The following MACROD2 variants were observed in gnomAD, a reference collection of about 807,000 sequenced individuals.
MACROD2 encodes the protein mono-ADP ribosylhydrolase 2.
MACROD2 carries 36 observed loss-of-function variants against 70.4 expected under a neutral mutation model. The observed-to-expected ratio is 0.51, with a 90% CI of 0.39 to 0.68. The LOEUF is 0.68. Ranked by LOEUF, MACROD2 falls within the 30% of genes least tolerant of loss-of-function variation. MACROD2 has a pLI of 0.00. For synonymous variants in MACROD2, 172 were observed against 178.8 expected, an observed-to-expected ratio of 0.96 and a Z score of 0.30; for missense variants, 496 against 538.4, an observed-to-expected ratio of 0.92 and a Z score of 0.78.
At chr20:14,033,085 C>CT (rs11480685) in intron 2 of MACROD2, among the ~76,000 whole-genome samples, 22,204 of 132,512 alleles carry the variant, frequency 0.17, 1,843 homozygotes, top group Admixed American at 0.23. Flanking sequence ...CTTGGTTTTT[C>CT]TTTTTTTTTT....
At chr20:15,838,255 T>G (rs1158233431) in intron 8 of MACROD2, among the ~76,000 whole-genome samples, 1 of 152,100 alleles carries the variant, frequency 6.6e-6, no homozygotes, top group Non-Finnish European at 1.5e-5. Flanking sequence ...ACTCAGAAGC[T>G]CCCAATGCTC....
chr20:14,907,110 C>T (rs543667443), intron 5 of MACROD2, among the ~76,000 whole-genome samples: 2 of 152,300 alleles, frequency 1.3e-5, no homozygotes, highest in African/African-American at 4.8e-5. Context: ...TGTCAGCTTA[C>T]CATTGCTATG....
chr20:14,943,935 T>A (rs1266010247), intron 5 of MACROD2, among the ~76,000 whole-genome samples: 1 of 152,172 alleles, frequency 6.6e-6, no homozygotes, highest in Non-Finnish European at 1.5e-5. Flanking sequence ...TTTCTTTTTA[T>A]TGTTGTCTTA....
intron 3 of MACROD2, among the ~76,000 whole-genome samples, chr20:14,407,768 A>G (rs1600209562): frequency 1.3e-5 from 2 of 152,166 alleles, no homozygotes; most frequent in African/African-American, 2.4e-5. Context: ...GTGATTCACA[A>G]TAATTAAGCT....
intron 5 of MACROD2, among the ~76,000 whole-genome samples, chr20:15,117,660 A>T (rs367925916): frequency 6.6e-6 from 1 of 152,158 alleles, no homozygotes; most frequent in Admixed American, 6.5e-5. Context: ...TTATGACTGA[A>T]GTATTAAGGA....
At chr20:15,373,068 T>C (rs1018182426) in intron 6 of MACROD2, among the ~76,000 whole-genome samples, 2 of 152,054 alleles carry the variant, frequency 1.3e-5, no homozygotes, top group African/African-American at 4.8e-5. Flanking sequence ...AAAAAATCCT[T>C]TTCTATAACA....
chr20:15,000,676 G>A lies in MACROD2; in HGVS notation c.419-229264G>A, dbSNP rs2074988289. ...AAAAAAAAAAAGAGGTAGAAACATG[G>A]AAATGTTCATTTTGTGAAAGTTCAT... On this transcript the variant is annotated intron_variant, in intron 5 of 17. Transcript: ENST00000684519. Among the ~76,000 whole-genome samples the A allele has an allele frequency of 2.2e-5, 3 of 136,584 alleles. No individual in the cohort carries two copies. In the South Asian group the frequency reaches 7.3e-4, roughly 33 times the overall value. The allele number at this position is 136,584 out of a possible 152,430, so 89.6% of individuals were successfully genotyped here.
intron 5 of MACROD2, among the ~76,000 whole-genome samples, chr20:14,832,761 G>A (rs2072986095): frequency 6.6e-6 from 1 of 152,156 alleles, no homozygotes; most frequent in Admixed American, 6.6e-5. Flanking sequence ...CCTGAGTCAA[G>A]ATCTTGAGTG....
intron 3 of MACROD2, among the ~76,000 whole-genome samples, chr20:14,368,066 A>T (rs1705484633): frequency 6.6e-6 from 1 of 151,918 alleles, no homozygotes; most frequent in African/African-American, 2.4e-5. Context: ...ATCTTTACTG[A>T]TATTCTCTAC....
intron 8 of MACROD2, among the ~76,000 whole-genome samples, chr20:15,673,328 T>C (rs1335843622): frequency 6.6e-6 from 1 of 152,222 alleles, no homozygotes; most frequent in Non-Finnish European, 1.5e-5. Context: ...TTCTGTTACG[T>C]CATTTTTAAA....
At chr20:14,074,701 G>A (rs1255696837) in intron 2 of MACROD2, among the ~76,000 whole-genome samples, 2 of 152,090 alleles carry the variant, frequency 1.3e-5, no homozygotes, top group Non-Finnish European at 2.9e-5. Context: ...CTTCTCCCAT[G>A]GGAACTTATT....
chr20:14,946,035 C>T (rs184915989), intron 5 of MACROD2, among the ~76,000 whole-genome samples: 1 of 152,216 alleles, frequency 6.6e-6, no homozygotes, highest in Admixed American at 6.5e-5. Flanking sequence ...TGGTGAAACC[C>T]TGTCTCTACT....
At chr20:14,643,799 C>T (rs1985223214) in intron 4 of MACROD2, among the ~76,000 whole-genome samples, 1 of 152,088 alleles carries the variant, frequency 6.6e-6, no homozygotes, top group Admixed American at 6.6e-5. Flanking sequence ...GCAGCCTCAG[C>T]TCATGCCACA....
chr20:14,187,375 T>C (rs1237379935), intron 3 of MACROD2, among the ~76,000 whole-genome samples: 2 of 152,090 alleles, frequency 1.3e-5, no homozygotes, highest in East Asian at 1.9e-4. Context: ...TCAAGGGTAA[T>C]AATATAATGA....
At chr20:14,272,687 G>C (rs2082207580) in intron 3 of MACROD2, among the ~76,000 whole-genome samples, 2 of 151,210 alleles carry the variant, frequency 1.3e-5, no homozygotes, top group African/African-American at 4.8e-5. Context: ...CCAATTAAAA[G>C]ACACAGACTG....
At chr20:14,500,597 G>A (rs2084905728) in intron 4 of MACROD2, among the ~76,000 whole-genome samples, 1 of 152,176 alleles carries the variant, frequency 6.6e-6, no homozygotes, top group Admixed American at 6.5e-5. Context: ...CAAAATCCAA[G>A]CCATGCATCT....
chr20:15,884,651 C>T (rs766589931), intron 9 of MACROD2, among the ~76,000 whole-genome samples: 29 of 152,000 alleles, frequency 1.9e-4, no homozygotes, highest in Admixed American at 6.6e-4. Context: ...GCAAATGGCA[C>T]TGGGAGTCTG....
At chr20:15,177,279 A>G (rs768231352) in intron 5 of MACROD2, among the ~76,000 whole-genome samples, 15 of 152,194 alleles carry the variant, frequency 9.9e-5, no homozygotes, top group Non-Finnish European at 1.8e-4. Context: ...TGACAATACT[A>G]TTTGAATTGT....
At chr20:14,702,626 CATATAT>C (rs200287028) in intron 5 of MACROD2, among the ~76,000 whole-genome samples, 4 of 37,264 alleles carry the variant, frequency 1.1e-4, no homozygotes, top group Non-Finnish European at 1.9e-4. Context: ...TATATATATA[CATATAT>C]ATATGTATAT....
Sources: gnomAD v4.1 joint callset for allele counts (sites outside exome capture counted in the v4.1 genomes callset) on GRCh38, gnomAD v4.1.1 for gene constraint, MANE v1.5 for transcripts, NCBI Gene and HGNC (gene_info 2026-07-23, HGNC 2026-07-21) for gene names.